The following MCMDC2 variants were observed in gnomAD, a reference collection of about 807,000 sequenced individuals.
MCMDC2 encodes the protein minichromosome maintenance domain containing 2.
A neutral mutation model predicts 75.8 loss-of-function variants in MCMDC2; 54 were observed. The ratio of observed to expected loss-of-function variants is 0.71; its 90% CI spans 0.57 to 0.89. MCMDC2 has a LOEUF of 0.89. Ranked by LOEUF, MCMDC2 falls within the 40% of genes least tolerant of loss-of-function variation. The pLI is 0.00. For missense variants in MCMDC2, 656 were observed against 780.4 expected (o/e 0.84, Z 1.90); for synonymous variants, 249 against 274.6 (o/e 0.91, Z 0.92).
At chr8:66,914,708 G>A (rs1403061290) in intron 14 of MCMDC2, among the ~76,000 whole-genome samples, 1 of 152,194 alleles carries the variant, frequency 6.6e-6, no homozygotes, top group Admixed American at 6.5e-5. Flanking sequence ...ATGGGTTGGA[G>A]GTATGGAGAA....
At chr8:66,918,789 T>C (rs1813413810) in intron 14 of MCMDC2, among the ~76,000 whole-genome samples, 1 of 152,198 alleles carries the variant, frequency 6.6e-6, no homozygotes, top group African/African-American at 2.4e-5. Context: ...TTTCTGGGTT[T>C]CAGAAAACAA....
intron 4 of MCMDC2, among the ~76,000 whole-genome samples, chr8:66,874,839 A>G (rs1811201239): frequency 6.6e-6 from 1 of 151,998 alleles, no homozygotes; most frequent in African/African-American, 2.4e-5. Context: ...GCTCACTGCA[A>G]CCTCTGCCTC....
chr8:66,879,457 G>A (rs754136779), intron 7 of MCMDC2, among the ~76,000 whole-genome samples: 3 of 151,886 alleles, frequency 2.0e-5, no homozygotes, highest in Non-Finnish European at 2.9e-5. Context: ...GCCAGGTGTG[G>A]TGACGGATGC....
intron 13 of MCMDC2, 108 bp from the exon 14 acceptor site, chr8:66,905,118 G>A (rs1035627337): frequency 2.0e-5 from 17 of 866,300 alleles, no homozygotes; most frequent in Non-Finnish European, 2.6e-5. Flanking sequence ...GTAAGAATAT[G>A]CTTTAGGTGT....
At chr8:66,923,653 T>C (rs1437896201), downstream of MCMDC2, among the ~76,000 whole-genome samples, 2 of 152,098 alleles carry the variant, frequency 1.3e-5, no homozygotes, top group Non-Finnish European at 2.9e-5. Context: ...TCCTAGCACT[T>C]TGTGGGGTCG....
intron 9 of MCMDC2, among the ~76,000 whole-genome samples, chr8:66,885,759 A>T (rs1811808142): frequency 6.6e-6 from 1 of 152,044 alleles, no homozygotes; most frequent in Non-Finnish European, 1.5e-5. Context: ...CACCCCAGAA[A>T]TTTCCCTCCT....
chr8:66,909,940 C>T (rs1201348230), intron 14 of MCMDC2, among the ~76,000 whole-genome samples: 1 of 152,218 alleles, frequency 6.6e-6, no homozygotes, highest in African/African-American at 2.4e-5. Context: ...GGCCCAGGGC[C>T]TCCCTGCTTT....
At chr8:66,886,252 C>T (rs888026320) in intron 9 of MCMDC2, among the ~76,000 whole-genome samples, 2 of 151,542 alleles carry the variant, frequency 1.3e-5, no homozygotes, top group Non-Finnish European at 2.9e-5. Context: ...GCAACCTCCG[C>T]CTCCTGTGTT....
chr8:66,877,506 G>C lies in MCMDC2; in HGVS notation c.443G>C (p.Arg148Thr), dbSNP rs145983403. 153 of 1,607,134 alleles carry C rather than the reference G, an allele frequency of 9.5e-5. No individual in the cohort carries two copies. The African/African-American group carries it at 1.9e-3, about 20-fold the overall frequency. Reference sequence around the variant, plus strand: ...ATAACCAAGTATACACAAGGGGCAAGATTTCTTTGTTCAGATGAAGCATGC... The same window carrying C: ...ATAACCAAGTATACACAAGGGGCAACATTTCTTTGTTCAGATGAAGCATGC... ...TTITKYTQGA[R>T]FLCSDEACPL... The change falls in exon 5 of 15, where the codon AGA (arginine) becomes ACA (threonine). Residue 148 changes from arginine to threonine, a missense_variant. Arg to Thr is a moderately conservative substitution (Grantham distance 71). Transcript: ENST00000422365.
At position 66,877,330 on chromosome 8, in the gene MCMDC2, A is replaced by G. The variant is rs1317318501; in HGVS notation, c.286-19A>G. 2 of 1,516,978 alleles carry G rather than the reference A, an allele frequency of 1.3e-6. No homozygotes were observed. The highest frequency in any genetic ancestry group is 1.8e-6 in the Non-Finnish European group (2 of 1,113,340). 94.0% of individuals were successfully genotyped at this position (1,516,978 alleles called of 1,614,324 possible). Reference sequence around the variant, plus strand: ...TGGATTTGCAATTTTCATTAATACCATTTTTATGTTCTTATTAGATTAATA... The same window carrying G: ...TGGATTTGCAATTTTCATTAATACCGTTTTTATGTTCTTATTAGATTAATA... On this transcript the variant is annotated intron_variant, in intron 4 of 14. Transcript: ENST00000422365.
At chr8:66,878,229 C>G (rs1811388965) in intron 5 of MCMDC2, among the ~76,000 whole-genome samples, 1 of 150,398 alleles carries the variant, frequency 6.6e-6, no homozygotes, top group South Asian at 2.1e-4. Context: ...TCTCTTCTCT[C>G]TGAACACGCT....
chr8:66,893,681 C>G (rs1027483432), intron 10 of MCMDC2, among the ~76,000 whole-genome samples: 4 of 152,150 alleles, frequency 2.6e-5, no homozygotes, highest in Non-Finnish European at 5.9e-5. Context: ...TGGGAGTTCA[C>G]GATGAGATTT....
Position 66,919,212 on chromosome 8 carries a change from GAA to G in MCMDC2, c.*47_*48del. 1.4e-6 allele frequency: 2 copies of G among 1,453,596 alleles called. No homozygotes were observed. Among genetic ancestry groups the G allele is most frequent in the Non-Finnish European group, 1.9e-6 (2 of 1,080,432 alleles). 90.0% of individuals were successfully genotyped at this position (1,453,596 alleles called of 1,614,324 possible). ...TGTTCATTCCTACTTAAGCAGTGGAGAAAAAGTGTGACTATTTTGAGAGTGAC... is the reference window on the plus strand; with the variant it reads ...TGTTCATTCCTACTTAAGCAGTGGAGAAAGTGTGACTATTTTGAGAGTGAC... On this transcript the variant is annotated 3_prime_UTR_variant, in exon 15 of 15. Transcript: ENST00000422365.
chr8:66,913,962 TAAAAAA>T (rs961586876), intron 14 of MCMDC2, among the ~76,000 whole-genome samples: 3 of 78,600 alleles, frequency 3.8e-5, no homozygotes, highest in African/African-American at 5.1e-5. Flanking sequence ...AGACTCTGTC[TAAAAAA>T]AAAAAAAAAA....
intron 14 of MCMDC2, among the ~76,000 whole-genome samples, chr8:66,907,181 TTTAAGCCCCGCATGGTA>T (rs1291325964): frequency 6.6e-6 from 1 of 152,098 alleles, no homozygotes; most frequent in Non-Finnish European, 1.5e-5. Context: ...TCATCTAGGT[TTTAAGCCCCGCATGGTA>T]TTTGTCCTAA....
At chr8:66,922,386 C>A, downstream of MCMDC2, 2 of 434,314 alleles carry the variant, frequency 4.6e-6, no homozygotes, top group Non-Finnish European at 9.3e-6. Flanking sequence ...CTACAGCAAC[C>A]TATATGCTAA....
chr8:66,889,441 C>T (rs1428774464), intron 9 of MCMDC2, among the ~76,000 whole-genome samples: 1 of 152,046 alleles, frequency 6.6e-6, no homozygotes, highest in Non-Finnish European at 1.5e-5. Flanking sequence ...GCTGTGTGTG[C>T]TATGACTGCA....
At chr8:66,884,994 C>T (rs142294672) in intron 9 of MCMDC2, among the ~76,000 whole-genome samples, 14 of 152,178 alleles carry the variant, frequency 9.2e-5, no homozygotes, top group African/African-American at 3.1e-4. Context: ...TAAGGCTGAA[C>T]TCCTGGGCTC....
intron 9 of MCMDC2, 35 bp from the exon 10 acceptor site, chr8:66,890,830 A>C: frequency 6.5e-7 from 1 of 1,529,326 alleles, no homozygotes; most frequent in Non-Finnish European, 8.9e-7. Flanking sequence ...TGAAAATTAA[A>C]TAATAGTAAT....
Sources: gnomAD v4.1 joint callset for allele counts (sites outside exome capture counted in the v4.1 genomes callset) on GRCh38, gnomAD v4.1.1 for gene constraint, MANE v1.5 for transcripts, NCBI Gene and HGNC (gene_info 2026-07-23, HGNC 2026-07-21) for gene names.